Variants in STARD8 observed in about 807,000 individuals in gnomAD.
The protein encoded by STARD8 is stAR-related lipid transfer protein 8.
A neutral mutation model predicts 69.4 loss-of-function variants in STARD8; 25 were observed. The observed-to-expected ratio is 0.36, with a 90% confidence interval of 0.26 to 0.50. The LOEUF (loss-of-function observed/expected upper bound fraction) is 0.50. Among genes scored for constraint, STARD8 ranks in the 20% least tolerant of loss-of-function variants. The probability of loss-of-function intolerance (pLI) is 0.96; values close to 1 mark genes in which losing one functional copy is unlikely to be tolerated. For synonymous variants in STARD8, 389 were observed against 374.6 expected (o/e 1.04, Z -0.45); for missense variants, 921 against 932.5 (o/e 0.99, Z 0.16).
intron 2 of STARD8, among the ~76,000 whole-genome samples, chrX:68,679,650 G>A: frequency 8.9e-6 from 1 of 112,223 alleles, no homozygotes; most frequent in Non-Finnish European, 1.9e-5. Flanking sequence ...CTATTCATAT[G>A]CTGCTGGGGC....
At chrX:68,653,576 A>C (rs927275228) in intron 1 of STARD8, among the ~76,000 whole-genome samples, 3 of 19,537 alleles carry the variant, frequency 1.5e-4, no homozygotes, top group Admixed American at 5.7e-4. Flanking sequence ...CACACACACC[A>C]CACACACACC....
chrX:68,675,233 C>T (rs1279141016), intron 2 of STARD8, among the ~76,000 whole-genome samples: 2 of 111,153 alleles, frequency 1.8e-5, no homozygotes, highest in African/African-American at 6.6e-5. Flanking sequence ...GCTGGGATTA[C>T]AGGCGTGAGG....
chrX:68,709,163 C>A (rs749639907), intron 2 of STARD8, among the ~76,000 whole-genome samples: 2 of 112,517 alleles, frequency 1.8e-5, no homozygotes, highest in Non-Finnish European at 3.8e-5. Context: ...GGTAATAACC[C>A]ATTACATTCT....
intron 5 of STARD8, 118 bp from the exon 6 acceptor site, chrX:68,717,090 TCAGC>T: frequency 9.6e-7 from 1 of 1,042,803 alleles, no homozygotes; most frequent in Non-Finnish European, 1.2e-6. Flanking sequence ...GGCCATGTTC[TCAGC>T]CAGAAAGCAG....
At chrX:68,718,766 G>C in intron 6 of STARD8, 137 bp downstream of exon 6, 1 of 1,063,248 alleles carries the variant, frequency 9.4e-7, no homozygotes, top group South Asian at 2.5e-5. Context: ...GCTCAGGAGA[G>C]AGAGTACAGG....
rs770929092 is a variant in STARD8 at position 68,662,002 on chromosome X, TTC to T, written c.46-3495_46-3494del. The stretch of plus-strand genomic sequence containing the variant: ...TTTCTTTCTTTCTTTCTTTCTTTCT[TTC>T]TTTCTTTCTTTCTTTCTTTCTTTTT... On this transcript the variant is annotated intron_variant, in intron 1 of 14. Transcript: ENST00000374599. Among the ~76,000 whole-genome samples the T allele has an allele frequency of 7.1e-3, 679 of 95,836 alleles. 7 individuals are homozygous for T. The highest frequency in any genetic ancestry group is 0.012 in the Non-Finnish European group (568 of 48,919). 83.2% of individuals were successfully genotyped at this position (95,836 alleles called of 115,157 possible). A position where few individuals can be genotyped will look rare whatever the true frequency, so the allele number is the denominator to read the frequency against.
rs755435048 is a variant in STARD8 at position 68,718,658 on chromosome X, C to T, written c.1715+29C>T. 46 of 1,150,298 alleles carry T rather than the reference C, an allele frequency of 4.0e-5. No individual in the cohort carries two copies. In the East Asian group the frequency reaches 8.3e-4, roughly 21 times the overall value. 94.8% of individuals were successfully genotyped at this position (1,150,298 alleles called of 1,213,427 possible). ...AGAGTTTGGGTTGGGATGGGGCGGA[C>T]GCAGGGTCTCCTGTTCTCTCTCTGT... On this transcript the variant is annotated intron_variant, in intron 6 of 14. Transcript: ENST00000374599.
chrX:68,719,418 T>G lies in STARD8; in HGVS notation c.1889+20T>G. Reference sequence around the variant, plus strand: ...GGTCTGGTGAGTGGCTCCTGGGCCATGGAGGGTGGGGAACTGCTGACTCAG... The same window carrying G: ...GGTCTGGTGAGTGGCTCCTGGGCCAGGGAGGGTGGGGAACTGCTGACTCAG... On this transcript the variant is annotated intron_variant, in intron 7 of 14. Coordinates refer to ENST00000374599, the MANE Select transcript of STARD8 (RefSeq NM_001142503.3). 5.3e-6 allele frequency: 6 copies of G among 1,140,528 alleles called. No homozygotes were observed. The highest frequency in any genetic ancestry group is 7.0e-6 in the Non-Finnish European group (6 of 858,324). 94.0% of individuals were successfully genotyped at this position (1,140,528 alleles called of 1,213,427 possible).
chrX:68,720,175 C>T (rs1384370845), intron 7 of STARD8, 89 bp from the exon 8 acceptor site: 17 of 1,029,650 alleles, frequency 1.7e-5, no homozygotes, highest in Non-Finnish European at 2.2e-5. Flanking sequence ...GTGCCTTACC[C>T]CCCTCACCCC....
At chrX:68,674,293 CA>C (rs60245351) in intron 2 of STARD8, among the ~76,000 whole-genome samples, 2,586 of 35,604 alleles carry the variant, frequency 0.073, 73 homozygotes, top group African/African-American at 0.15. Context: ...AACTCCGTCT[CA>C]AAAAAAAAAA....
At chrX:68,711,283 AGAGACAGAGAGAGAAAGAGAGG>A (rs2080048562) in intron 2 of STARD8, among the ~76,000 whole-genome samples, 1 of 110,992 alleles carries the variant, frequency 9.0e-6, no homozygotes, top group African/African-American at 3.3e-5. Flanking sequence ...AGAGAGACAG[AGAGACAGAGAGAGAAAGAGAGG>A]CAGATGCATG....
At position 68,722,404 on chromosome X, in the gene STARD8, G is replaced by T. The variant is rs2080157906; in HGVS notation, c.2575-18G>T. On this transcript the variant is annotated intron_variant, in intron 11 of 14. Coordinates refer to ENST00000374599, the MANE Select transcript of STARD8 (RefSeq NM_001142503.3). ...CTGCTCTCTGGAGCTGCAGCCCATT[G>T]TGTGTGTGCCCTCTCAGGTGCCCCA... 1.7e-6 allele frequency: 2 copies of T among 1,172,423 alleles called. No homozygotes were observed. Among genetic ancestry groups the T allele is most frequent in the Non-Finnish European group, 1.1e-6 (1 of 874,666 alleles).
At chrX:68,677,176 A>C (rs1315937430) in intron 2 of STARD8, among the ~76,000 whole-genome samples, 1 of 110,933 alleles carries the variant, frequency 9.0e-6, no homozygotes, top group Non-Finnish European at 1.9e-5. Context: ...TTTTGAACAG[A>C]GCGTTGGCTC....
intron 1 of STARD8, among the ~76,000 whole-genome samples, chrX:68,653,039 ACACACAT>A (rs2147867909): frequency 3.1e-5 from 1 of 32,293 alleles, no homozygotes; most frequent in Non-Finnish European, 5.8e-5. Context: ...CACACCACAC[ACACACAT>A]CACACACCAC....
At chrX:68,721,289 G>A (rs2080146306) in intron 9 of STARD8, among the ~76,000 whole-genome samples, 167 bp downstream of exon 9, 1 of 111,926 alleles carries the variant, frequency 8.9e-6, no homozygotes, top group Non-Finnish European at 1.9e-5. Flanking sequence ...AGACCATTCT[G>A]CTTCCCCAAA....
At chrX:68,707,584 C>T (rs1242955126) in intron 2 of STARD8, among the ~76,000 whole-genome samples, 2 of 111,770 alleles carry the variant, frequency 1.8e-5, no homozygotes, top group East Asian at 2.8e-4. Flanking sequence ...ATGGGTGGGG[C>T]CCATTAGTAA....
Position 68,723,667 on chromosome X carries a change from A to C in STARD8, c.2841A>C (p.Thr947=), listed in dbSNP as rs759260040. The C allele has an allele frequency of 1.7e-6, 2 of 1,199,661 alleles. No homozygotes were observed. Among genetic ancestry groups the C allele is most frequent in the Non-Finnish European group, 1.1e-6 (1 of 889,970 alleles). ...CCCTGCGGCTATGGAAGGCATCCACAGAGGTGGCAGCCCCCCCAGCTGTGG... is the reference window on the plus strand; with the variant it reads ...CCCTGCGGCTATGGAAGGCATCCACCGAGGTGGCAGCCCCCCCAGCTGTGG... The part of the protein sequence containing the change: ...GHPLRLWKAS[T]EVAAPPAVVL... Residue 947 remains threonine, a synonymous_variant, in exon 13 of 15, where the codon ACA becomes ACC. Transcript: ENST00000374599.
chrX:68,686,727 G>C (rs779402015), intron 2 of STARD8, among the ~76,000 whole-genome samples: 2 of 112,538 alleles, frequency 1.8e-5, no homozygotes, highest in South Asian at 3.6e-4. Flanking sequence ...ACCCCTGGCC[G>C]GCAGTGCCCC....
rs747313120 is a variant in STARD8, at chrX:68,693,796, C to T, written c.80-19118C>T. 8 of 754,033 alleles carry T rather than the reference C, an allele frequency of 1.1e-5. No individual in the cohort carries two copies. In the South Asian group the frequency reaches 4.7e-4, roughly 45 times the overall value. 62.1% of individuals were successfully genotyped at this position (754,033 alleles called of 1,213,427 possible). A position where few individuals can be genotyped will look rare whatever the true frequency, so the allele number is the denominator to read the frequency against. On this transcript the variant is annotated intron_variant, in intron 2 of 14. Transcript: ENST00000374599. ...CTGCCCGCTCGCTCTGTGTCAGCGC[C>T]CGAACCCAAAGGGGTGGACGCGGCC...
Sources: gnomAD v4.1 joint callset for allele counts (sites outside exome capture counted in the v4.1 genomes callset) on GRCh38, gnomAD v4.1.1 for gene constraint, MANE v1.5 for transcripts, NCBI Gene and HGNC (gene_info 2026-07-23, HGNC 2026-07-21) for gene names.